IFT80: variants seen among roughly 807,000 people sequenced by gnomAD.
IFT80 encodes the protein intraflagellar transport protein 80 homolog.
IFT80 carries 79 observed loss-of-function variants against 107.9 expected under a neutral mutation model. The observed-to-expected ratio is 0.73, with a 90% CI of 0.61 to 0.88. IFT80 has a LOEUF of 0.88. IFT80 is among the 40% of genes least tolerant of loss of function. The pLI is 0.00. For missense variants in IFT80, 797 were observed against 914.2 expected (o/e 0.87, Z 1.65); for synonymous variants, 299 against 300.9 (o/e 0.99, Z 0.07).
At chr3:160,343,680 T>C in intron 8 of IFT80, 1 of 226,712 alleles carries the variant, frequency 4.4e-6, no homozygotes, top group South Asian at 4.9e-5. Flanking sequence ...AGTTTCTATA[T>C]TTGTTTTTAT....
intron 19 of IFT80, among the ~76,000 whole-genome samples, chr3:160,268,208 G>T (rs1163883854): frequency 2.0e-5 from 3 of 152,230 alleles, no homozygotes; most frequent in African/African-American, 7.2e-5. Flanking sequence ...ACAGACTTGA[G>T]TTAATCAAAA....
chr3:160,331,893 G>C (rs970399827), intron 8 of IFT80, among the ~76,000 whole-genome samples: 1 of 152,120 alleles, frequency 6.6e-6, no homozygotes, highest in Non-Finnish European at 1.5e-5. Context: ...TTGAGCTCAA[G>C]TGATCCTCCC....
At chr3:160,335,469 G>A (rs764363717) in intron 8 of IFT80, among the ~76,000 whole-genome samples, 9 of 151,762 alleles carry the variant, frequency 5.9e-5, no homozygotes, top group South Asian at 4.2e-4. Context: ...TGATCCACTC[G>A]CCTCGGCCTC....
Position 160,356,086 on chromosome 3 carries a change from A to G in IFT80, c.704T>C (p.Val235Ala). ...SQPHEHPITSVAWAPDGELFA... is the reference protein window; with the variant it reads ...SQPHEHPITSAAWAPDGELFA... Reference sequence around the variant, plus strand: ...TAATTCTCCATCTGGAGCCCAGGCAACTGAAGTAATGGGATGCTCATGAGG... The same window carrying G: ...TAATTCTCCATCTGGAGCCCAGGCAGCTGAAGTAATGGGATGCTCATGAGG... Residue 235 changes from valine (V) to alanine (A), a missense_variant, in exon 8 of 20, where the codon GTT becomes GCT. Transcript: ENST00000326448. 1 of 1,614,196 alleles carries G rather than the reference A, an allele frequency of 6.2e-7. No homozygotes were observed. Among genetic ancestry groups the G allele is most frequent in the African/African-American group, 1.3e-5 (1 of 75,072 alleles).
At position 160,307,740 on chromosome 3, in the gene IFT80, G is replaced by A. The variant is rs765112290; in HGVS notation, c.999C>T (p.Phe333=). 1.9e-6 allele frequency: 3 copies of A among 1,604,084 alleles called. No individual in the cohort carries two copies. In the Admixed American group the frequency reaches 5.0e-5, roughly 27 times the overall value. The stretch of plus-strand genomic sequence containing the variant: ...AAGATGCTTTAATGACTCTATCACG[G>A]AATTCCAGTAAATCCACTGCATCAT... ...VLNDAVDLLE[F]RDRVIKASLN... is the part of the protein sequence containing the mutation. Residue 333 remains phenylalanine (F), a synonymous_variant, in exon 10 of 20, where the codon TTC becomes TTT. Transcript: ENST00000326448.
At chr3:160,321,813 TTTTTTA>T (rs1299248911) in intron 8 of IFT80, among the ~76,000 whole-genome samples, 8 of 151,730 alleles carry the variant, frequency 5.3e-5, no homozygotes, top group African/African-American at 1.9e-4. Context: ...TATGGTTTTA[TTTTTTA>T]TTTTTATTTT....
intron 19 of IFT80, among the ~76,000 whole-genome samples, chr3:160,264,305 G>T (rs115654727): frequency 1.4e-5 from 2 of 143,738 alleles, no homozygotes; most frequent in African/African-American, 5.2e-5. Flanking sequence ...ACAAGATTTC[G>T]CCATGTTGCC....
chr3:160,268,229 A>T (rs1026272699), intron 19 of IFT80, among the ~76,000 whole-genome samples, 184 bp downstream of exon 19: 1 of 152,254 alleles, frequency 6.6e-6, no homozygotes, highest in Admixed American at 6.5e-5. Flanking sequence ...TATGCCTGCA[A>T]GATTCCAGAG....
At chr3:160,371,665 G>A (rs1711538898) in intron 5 of IFT80, among the ~76,000 whole-genome samples, 2 of 152,018 alleles carry the variant, frequency 1.3e-5, no homozygotes. Flanking sequence ...CTGATCTCCA[G>A]CTCCTGGGCT....
chr3:160,330,309 G>A (rs970829805), intron 8 of IFT80, among the ~76,000 whole-genome samples: 3 of 152,142 alleles, frequency 2.0e-5, no homozygotes, highest in Non-Finnish European at 4.4e-5. Flanking sequence ...TGTTTCAAGA[G>A]AAGAGCAAAA....
Position 160,282,580 on chromosome 3 carries a change from CT to C in IFT80, c.1413del (p.Gly472AspfsTer22). ...GCAATTTTTCTATCATTGGTAAGTC[CT>C]TTTTGATCCAGAGCAATTTCCAAGA... ...NEILEIALDQ[K>X]GLTNDRKIAF... On this transcript the variant is annotated frameshift_variant, in exon 14 of 20. Transcript: ENST00000326448. LOFTEE classifies it high-confidence loss of function. The C allele has an allele frequency of 1.3e-6, 2 of 1,590,516 alleles. No individual in the cohort carries two copies. Among genetic ancestry groups the C allele is most frequent in the Non-Finnish European group, 8.6e-7 (1 of 1,161,900 alleles).
intron 8 of IFT80, among the ~76,000 whole-genome samples, chr3:160,329,451 A>G (rs1005480339): frequency 4.6e-5 from 7 of 152,258 alleles, no homozygotes; most frequent in African/African-American, 1.7e-4. Context: ...TGCCTCCAAA[A>G]TATGGCACAT....
intron 1 of IFT80, among the ~76,000 whole-genome samples, chr3:160,391,335 A>T (rs1713365118): frequency 6.6e-6 from 1 of 152,190 alleles, no homozygotes; most frequent in Non-Finnish European, 1.5e-5. Context: ...GCCTAATTTC[A>T]CAGTGAGTTA....
At chr3:160,319,101 C>T (rs1304119772) in intron 9 of IFT80, among the ~76,000 whole-genome samples, 2 of 152,016 alleles carry the variant, frequency 1.3e-5, no homozygotes, top group African/African-American at 4.8e-5. Context: ...AGCACACAGC[C>T]TTAACTGTTT....
intron 9 of IFT80, 150 bp from the exon 10 acceptor site, chr3:160,307,931 G>C (rs1253966285): frequency 1.6e-6 from 1 of 618,276 alleles, no homozygotes; most frequent in Non-Finnish European, 2.8e-6. Flanking sequence ...CTAGGCATAA[G>C]ATAGTATACC....
Position 160,280,796 on chromosome 3 carries a change from A to G in IFT80, c.1535T>C (p.Leu512Ser), listed in dbSNP as rs779274656. 6.2e-7 allele frequency: 1 copy of G among 1,613,248 alleles called. No homozygotes were observed. Among genetic ancestry groups the G allele is most frequent in the Non-Finnish European group, 8.5e-7 (1 of 1,179,484 alleles). Residue 512 changes from leucine to serine, a missense_variant, in exon 15 of 20, where the codon TTG becomes TCG. Coordinates refer to ENST00000326448, the MANE Select transcript of IFT80 (RefSeq NM_020800.3). ...GATATTGCATGTATCGTTCCATGCC[A>G]AAGTATGCACCATTGTTCCTTAATT... ...IIKLGTMVHT[L>S]AWNDTCNILC...
chr3:160,283,673 C>T (rs1182276431), intron 13 of IFT80, among the ~76,000 whole-genome samples: 1 of 152,140 alleles, frequency 6.6e-6, no homozygotes, highest in Non-Finnish European at 1.5e-5. Context: ...TGCTTATCAT[C>T]GTCATCATCA....
In IFT80 at chr3:160,282,579, C is replaced by T. The variant is rs762561295; in HGVS notation, c.1415G>A (p.Gly472Glu). The change falls in exon 14 of 20, where the codon GGA (glycine) becomes GAA (glutamate). Residue 472 changes from glycine (G) to glutamate (E), a missense_variant. Gly to Glu is a moderately conservative substitution (Grantham distance 98). Coordinates refer to ENST00000326448, the MANE Select transcript of IFT80 (RefSeq NM_020800.3). ...AGCAATTTTTCTATCATTGGTAAGT[C>T]CTTTTTGATCCAGAGCAATTTCCAA... The part of the protein sequence containing the change: ...EILEIALDQK[G>E]LTNDRKIAFI... 1 of 1,589,760 alleles carries T rather than the reference C, an allele frequency of 6.3e-7. No homozygotes were observed. The highest frequency in any genetic ancestry group is 1.3e-5 in the African/African-American group (1 of 74,328).
chr3:160,324,579 A>G (rs1481583528), intron 8 of IFT80, among the ~76,000 whole-genome samples: 6 of 152,010 alleles, frequency 3.9e-5, no homozygotes, highest in South Asian at 4.1e-4. Context: ...AAATTCAACA[A>G]CCCTTCATGC....
Sources: gnomAD v4.1 joint callset for allele counts (sites outside exome capture counted in the v4.1 genomes callset) on GRCh38, gnomAD v4.1.1 for gene constraint, MANE v1.5 for transcripts, NCBI Gene and HGNC (gene_info 2026-07-23, HGNC 2026-07-21) for gene names.